Variants in TTC3 observed in about 807,000 individuals in gnomAD.
TTC3 encodes the protein E3 ubiquitin-protein ligase TTC3.
A neutral mutation model predicts 249.6 loss-of-function variants in TTC3; 180 were observed. The ratio of observed to expected loss-of-function variants is 0.72; its 90% CI spans 0.64 to 0.82. The LOEUF (loss-of-function observed/expected upper bound fraction) is 0.82. TTC3 is among the 40% of genes least tolerant of loss of function. The pLI is 0.00. For missense variants in TTC3, 2,061 were observed against 2,398.4 expected (o/e 0.86, Z 2.94); for synonymous variants, 717 against 805.0 (o/e 0.89, Z 1.85).
intron 16 of TTC3, among the ~76,000 whole-genome samples, chr21:37,129,565 A>G (rs146138022): frequency 1.2e-4 from 18 of 152,326 alleles, no homozygotes; most frequent in African/African-American, 4.3e-4. Flanking sequence ...ATGAATTCTG[A>G]CTACTTCTAA....
At chr21:37,168,442 T>A (rs1313572521) in intron 34 of TTC3, among the ~76,000 whole-genome samples, 2 of 152,014 alleles carry the variant, frequency 1.3e-5, no homozygotes, top group Non-Finnish European at 1.5e-5. Flanking sequence ...TATATAAAAA[T>A]ATATATAAAC....
chr21:37,090,467 CTTTTT>C, intron 6 of TTC3, 181 bp downstream of exon 6: 4 of 528,644 alleles, frequency 7.6e-6, no homozygotes, highest in Non-Finnish European at 9.6e-6. Context: ...CATTTTCTCT[CTTTTT>C]TTTTTTTTTA....
chr21:37,122,098 A>C lies in TTC3; in HGVS notation c.1063+119A>C, dbSNP rs2076630132. ...TCCTCAGATGATTTATCCTTATTTTATCATGTTATCTTGGTCATGGCACTT... is the reference window on the plus strand; with the variant it reads ...TCCTCAGATGATTTATCCTTATTTTCTCATGTTATCTTGGTCATGGCACTT... On this transcript the variant is annotated intron_variant, in intron 12 of 45. Transcript: ENST00000355666. 3.1e-6 allele frequency: 3 copies of C among 956,960 alleles called. No individual in the cohort carries two copies. In the South Asian group the frequency reaches 7.7e-5, roughly 25 times the overall value. 59.3% of individuals were successfully genotyped at this position (956,960 alleles called of 1,614,324 possible).
chr21:37,087,076 A>C (rs2072589585), intron 1 of TTC3, 171 bp from the exon 2 acceptor site: 2 of 660,950 alleles, frequency 3.0e-6, no homozygotes, highest in Non-Finnish European at 5.1e-6. Flanking sequence ...GAGAGAGGAA[A>C]AGTCAGCAGA....
intron 11 of TTC3, among the ~76,000 whole-genome samples, chr21:37,117,462 G>T (rs2076228465): frequency 6.6e-6 from 1 of 152,032 alleles, no homozygotes; most frequent in African/African-American, 2.4e-5. Context: ...GTGTTTGACA[G>T]GTGCTATATC....
In TTC3 at chr21:37,096,800, A is replaced by G; in HGVS notation, c.845+157A>G. On this transcript the variant is annotated intron_variant, in intron 10 of 45. Coordinates refer to ENST00000355666, the Ensembl canonical transcript of TTC3. ...AGAGTATGCTTAGGCTTTATATATAATAACAACAGTGACAGCAGCAGCTAT... is the reference window on the plus strand; with the variant it reads ...AGAGTATGCTTAGGCTTTATATATAGTAACAACAGTGACAGCAGCAGCTAT... 7.2e-6 allele frequency: 4 copies of G among 555,012 alleles called. No homozygotes were observed. In the East Asian group the frequency reaches 8.9e-5, roughly 12 times the overall value. The allele number at this position is 555,012 out of a possible 1,614,324, so 34.4% of individuals were successfully genotyped here.
chr21:37,167,628 AAAATT>A lies in TTC3; in HGVS notation c.4467+10_4467+14del. ...CCTTTTGAGGAACGACAAGTGAGTC[AAAATT>A]ACATTAAACTGTTTAAAGGTTTAGT... On this transcript the variant is annotated intron_variant, in intron 34 of 45. Transcript: ENST00000355666. 6.2e-7 allele frequency: 1 copy of A among 1,603,970 alleles called. No homozygotes were observed. Among genetic ancestry groups the A allele is most frequent in the Non-Finnish European group, 8.5e-7 (1 of 1,172,488 alleles).
chr21:37,103,952 A>T (rs1323678661), intron 10 of TTC3, among the ~76,000 whole-genome samples: 2 of 147,374 alleles, frequency 1.4e-5, no homozygotes, highest in East Asian at 1.9e-4. Flanking sequence ...ATTAGCACTT[A>T]AAAAAAAAAT....
exon 36 of TTC3, chr21:37,182,908 T>C (rs767539722): frequency 2.6e-6 from 4 of 1,566,276 alleles, no homozygotes; most frequent in South Asian, 2.4e-5. Context: ...CAAATGCCAG[T>C]GAAATGTAAG....
At chr21:37,134,471 G>A (rs1226239263) in intron 17 of TTC3, among the ~76,000 whole-genome samples, 1 of 151,934 alleles carries the variant, frequency 6.6e-6, no homozygotes, top group East Asian at 1.9e-4. Context: ...CCAGCAGAAG[G>A]CTTTTGTTAA....
intron 17 of TTC3, among the ~76,000 whole-genome samples, chr21:37,134,697 TC>T (rs1326247120): frequency 1.3e-5 from 2 of 152,200 alleles, no homozygotes; most frequent in African/African-American, 2.4e-5. Flanking sequence ...TTACAGCTAT[TC>T]CCATGTCACT....
At chr21:37,182,539 G>T (rs2082849380) in intron 35 of TTC3, among the ~76,000 whole-genome samples, 1 of 152,198 alleles carries the variant, frequency 6.6e-6, no homozygotes, top group Non-Finnish European at 1.5e-5. Context: ...GTTCTTCGGG[G>T]TGTCTTACTG....
chr21:37,100,431 AG>A (rs1269436247), intron 10 of TTC3, among the ~76,000 whole-genome samples: 1 of 152,202 alleles, frequency 6.6e-6, no homozygotes, highest in Non-Finnish European at 1.5e-5. Context: ...GAGAAATATA[AG>A]TATTGTAAGG....
chr21:37,162,080 A>C lies in TTC3; in HGVS notation c.3170+17A>C, dbSNP rs529730332. ...AGACCATAGGTAAGTATAATTTTTA[A>C]ATTTTTGCTTCATTTTAACTCAAAT... On this transcript the variant is annotated intron_variant, in intron 31 of 45. Coordinates refer to ENST00000355666, the Ensembl canonical transcript of TTC3. The C allele has an allele frequency of 2.0e-6, 3 of 1,481,008 alleles. No individual in the cohort carries two copies. Among genetic ancestry groups the C allele is most frequent in the South Asian group, 1.4e-5 (1 of 73,074 alleles). The allele number at this position is 1,481,008 out of a possible 1,614,324, so 91.7% of individuals were successfully genotyped here. A position where few individuals can be genotyped will look rare whatever the true frequency, so the allele number is the denominator to read the frequency against.
intron 33 of TTC3, 54 bp from the exon 34 acceptor site, chr21:37,167,501 A>AT: frequency 7.1e-7 from 1 of 1,413,124 alleles, no homozygotes; most frequent in East Asian, 2.4e-5. Flanking sequence ...TGATGGGCTT[A>AT]TTTTACTAGA....
intron 1 of TTC3, among the ~76,000 whole-genome samples, chr21:37,074,811 C>A (rs893694988): frequency 1.3e-5 from 2 of 152,170 alleles, no homozygotes; most frequent in African/African-American, 2.4e-5. Context: ...GTTTTGGTGT[C>A]TTTGTTCTGC....
At chr21:37,135,084 A>G (rs2077809205) in intron 17 of TTC3, among the ~76,000 whole-genome samples, 1 of 152,218 alleles carries the variant, frequency 6.6e-6, no homozygotes, top group Admixed American at 6.5e-5. Context: ...AAACTTAAAA[A>G]TACTGTCTGT....
intron 30 of TTC3, among the ~76,000 whole-genome samples, chr21:37,161,760 T>G (rs1035178236): frequency 6.6e-6 from 1 of 152,268 alleles, no homozygotes; most frequent in Admixed American, 6.5e-5. Context: ...GAGTAACATT[T>G]AAATTTTTTT....
exon 7 of TTC3, chr21:37,091,407 A>G (rs776993315): frequency 2.0e-5 from 32 of 1,606,900 alleles, no homozygotes; most frequent in African/African-American, 4.0e-5. Context: ...TATTTTCTTT[A>G]CTGAATGTAA....
Sources: allele counts gnomAD v4.1 joint callset (sites outside exome capture counted in the v4.1 genomes callset), GRCh38; gene constraint gnomAD v4.1.1; transcripts MANE v1.5; gene names NCBI Gene and HGNC (gene_info 2026-07-23, HGNC 2026-07-21).